Variants in MAP2K5 observed in about 807,000 individuals in gnomAD.
The protein encoded by MAP2K5 is mitogen-activated protein kinase kinase 5.
In MAP2K5, 49 loss-of-function variants were observed where a neutral mutation model predicts 83.1. The observed-to-expected ratio is 0.59, with a 90% CI of 0.47 to 0.75. MAP2K5 has a LOEUF of 0.75. Ranked by LOEUF, MAP2K5 falls within the 30% of genes least tolerant of loss-of-function variation. MAP2K5 has a pLI of 0.00. For missense variants in MAP2K5, 457 were observed against 557.5 expected, an observed-to-expected ratio of 0.82 and a Z score of 1.82; for synonymous variants, 202 against 191.8, an observed-to-expected ratio of 1.05 and a Z score of -0.44.
In MAP2K5 at chr15:67,748,511, C is replaced by T; in HGVS notation, c.1102-58C>T. ...CATTAATGATTTTTTCTTTCCACTC[C>T]ACTGTAAAGATATTGCATAGAGGCT... On this transcript the variant is annotated intron_variant, in intron 18 of 21. Transcript: ENST00000178640. This position sits in a 1 kb window ranked among gnomAD's most constrained non-coding sequence, Gnocchi z 4.0. 1 of 1,460,862 alleles carries T rather than the reference C, an allele frequency of 6.8e-7. No homozygotes were observed. Among genetic ancestry groups the T allele is most frequent in the Non-Finnish European group, 9.5e-7 (1 of 1,048,802 alleles). 90.5% of individuals were successfully genotyped at this position (1,460,862 alleles called of 1,614,324 possible).
intron 3 of MAP2K5, among the ~76,000 whole-genome samples, chr15:67,568,136 A>AT (rs577362388): frequency 8.6e-5 from 13 of 151,958 alleles, no homozygotes; most frequent in Admixed American, 2.6e-4. Flanking sequence ...TCTTTATATC[A>AT]TTTTTTCCCA....
At chr15:67,629,108 T>C (rs2086399205) in intron 8 of MAP2K5, 1 of 734,022 alleles carries the variant, frequency 1.4e-6, no homozygotes, top group South Asian at 1.3e-5. Flanking sequence ...GTAGCAGCAG[T>C]AGCTACGGCA....
chr15:67,653,752 T>G (rs1258386699), intron 11 of MAP2K5, among the ~76,000 whole-genome samples: 1 of 152,124 alleles, frequency 6.6e-6, no homozygotes, highest in Non-Finnish European at 1.5e-5. Flanking sequence ...ATGTTCTCCT[T>G]CTGTTTAAGG....
chr15:67,663,413 T>A (rs989491239), intron 12 of MAP2K5, among the ~76,000 whole-genome samples: 3 of 152,230 alleles, frequency 2.0e-5, no homozygotes, highest in Non-Finnish European at 2.9e-5. Flanking sequence ...TGCCCAGTAC[T>A]TTGATTATAT....
intron 12 of MAP2K5, chr15:67,658,868 C>T (rs1212859270): frequency 9.8e-6 from 5 of 509,208 alleles, no homozygotes; most frequent in Admixed American, 2.6e-5. Flanking sequence ...CTTGTTGACT[C>T]GTAAAATTTC....
At chr15:67,646,602 T>C in intron 11 of MAP2K5, 133 bp downstream of exon 11, 1 of 501,972 alleles carries the variant, frequency 2.0e-6, no homozygotes, top group Non-Finnish European at 3.4e-6. Flanking sequence ...ATTTATACTC[T>C]AAGATTATTT....
intron 15 of MAP2K5, among the ~76,000 whole-genome samples, chr15:67,696,460 G>A (rs1005994392): frequency 2.6e-5 from 4 of 152,036 alleles, no homozygotes; most frequent in Admixed American, 6.5e-5. Context: ...ACCCTTTACC[G>A]AAAAAGTTTG....
Position 67,748,999 on chromosome 15 carries a change from TG to T in MAP2K5, c.1134+399del, listed in dbSNP as rs1317723216. Among the ~76,000 whole-genome samples the T allele has an allele frequency of 3.3e-5, 5 of 152,262 alleles. No individual in the cohort carries two copies. Among genetic ancestry groups the T allele is most frequent in the Non-Finnish European group, 7.3e-5 (5 of 68,050 alleles). On this transcript the variant is annotated intron_variant, in intron 19 of 21. Transcript: ENST00000178640. The surrounding 1 kb of genome is among the most constrained non-coding windows in gnomAD (Gnocchi z 4.0). ...GAGCAAGCATAAGCTGGATGAAATT[TG>T]CCTGCCTTGAGTTATTTACCCAAAG...
At chr15:67,789,937 G>A (rs2090486755) in intron 21 of MAP2K5, among the ~76,000 whole-genome samples, 1 of 152,090 alleles carries the variant, frequency 6.6e-6, no homozygotes, top group African/African-American at 2.4e-5. Context: ...TCCCACTTCT[G>A]CAGTCTGTGG....
intron 17 of MAP2K5, among the ~76,000 whole-genome samples, chr15:67,733,132 G>A (rs1786280972): frequency 6.6e-6 from 1 of 152,094 alleles, no homozygotes; most frequent in African/African-American, 2.4e-5. Flanking sequence ...ACCCCATGTT[G>A]TGATTAATTT....
At chr15:67,745,132 G>A (rs2089576048) in intron 17 of MAP2K5, among the ~76,000 whole-genome samples, 1 of 152,188 alleles carries the variant, frequency 6.6e-6, no homozygotes, top group Admixed American at 6.5e-5. Flanking sequence ...AACAATTACT[G>A]TTCTCTCATT....
intron 13 of MAP2K5, among the ~76,000 whole-genome samples, chr15:67,678,310 C>G (rs1165062970): frequency 6.6e-6 from 1 of 152,150 alleles, no homozygotes; most frequent in Admixed American, 6.5e-5. Context: ...TCCTGGTAAA[C>G]TGAGAGTGGC....
chr15:67,785,586 G>T lies in MAP2K5; in HGVS notation c.1242+12834G>T, dbSNP rs914573692. On this transcript the variant is annotated intron_variant, in intron 21 of 21. Transcript: ENST00000178640. This position sits in a 1 kb window ranked among gnomAD's most constrained non-coding sequence, Gnocchi z 4.4. ...CGGGGTCCATCTTGAAGGGAGAGGGGAAACAGCAAGGAGAAGACAACCCAC... is the reference window on the plus strand; with the variant it reads ...CGGGGTCCATCTTGAAGGGAGAGGGTAAACAGCAAGGAGAAGACAACCCAC... Among the ~76,000 whole-genome samples the T allele has an allele frequency of 6.6e-6, 1 of 152,134 alleles. No homozygotes were observed. The highest frequency in any genetic ancestry group is 1.5e-5 in the Non-Finnish European group (1 of 68,024).
chr15:67,635,327 A>G (rs888177030), intron 9 of MAP2K5, among the ~76,000 whole-genome samples: 1 of 151,480 alleles, frequency 6.6e-6, no homozygotes, highest in Non-Finnish European at 1.5e-5. Flanking sequence ...GGCGCCTGCC[A>G]CCACGCCCGG....
rs1161261284 is a variant in MAP2K5, at chr15:67,720,383, AAAAG to A, written c.1045-7529_1045-7526del. On this transcript the variant is annotated intron_variant, in intron 16 of 21. Transcript: ENST00000178640. This position sits in a 1 kb window ranked among gnomAD's most constrained non-coding sequence, Gnocchi z 5.7. ...ACACACTTACACACACACAAGGAAAAAAAGAAAATGATGTAAGTGAAATAGCGTA... is the reference window on the plus strand; with the variant it reads ...ACACACTTACACACACACAAGGAAAAAAAATGATGTAAGTGAAATAGCGTA... Among the ~76,000 whole-genome samples, 3 of 152,174 alleles carry A rather than the reference AAAAG, an allele frequency of 2.0e-5. No individual in the cohort carries two copies. Among genetic ancestry groups the A allele is most frequent in the Non-Finnish European group, 4.4e-5 (3 of 68,030 alleles).
intron 8 of MAP2K5, among the ~76,000 whole-genome samples, chr15:67,611,768 T>C (rs1202258426): frequency 1.3e-5 from 2 of 152,194 alleles, no homozygotes; most frequent in African/African-American, 4.8e-5. Context: ...CCATTCCTGG[T>C]AAATAATTAC....
chr15:67,656,924 G>T (rs2087097087), intron 11 of MAP2K5, among the ~76,000 whole-genome samples: 1 of 152,106 alleles, frequency 6.6e-6, no homozygotes, highest in African/African-American at 2.4e-5. Context: ...TGCAGAAAAA[G>T]AACTCATCAA....
intron 8 of MAP2K5, chr15:67,628,151 C>T (rs2086370424): frequency 1.0e-6 from 1 of 984,892 alleles, no homozygotes; most frequent in Non-Finnish European, 1.6e-6. Context: ...CCGGTGCCCA[C>T]TTAACTGTGA....
chr15:67,603,086 T>C (rs1567303299), intron 8 of MAP2K5, among the ~76,000 whole-genome samples: 1 of 152,152 alleles, frequency 6.6e-6, no homozygotes, highest in Non-Finnish European at 1.5e-5. Context: ...GAAATACACA[T>C]AACTCAAGTT....
Sources: allele counts gnomAD v4.1 joint callset (sites outside exome capture counted in the v4.1 genomes callset), GRCh38; gene constraint gnomAD v4.1.1; non-coding constraint Gnocchi (gnomAD v3.1); transcripts MANE v1.5; gene names NCBI Gene and HGNC (gene_info 2026-07-23, HGNC 2026-07-21).